Variants in KDSR observed in about 807,000 individuals in gnomAD.
KDSR encodes the protein 3-dehydrosphinganine reductase.
A neutral mutation model predicts 41.3 loss-of-function variants in KDSR; 23 were observed. The ratio of observed to expected loss-of-function variants is 0.56; its 90% confidence interval spans 0.40 to 0.79. KDSR has a LOEUF of 0.79. KDSR is among the 30% of genes least tolerant of loss of function. The pLI is 0.00. For missense variants in KDSR, 351 were observed against 416.8 expected (o/e 0.84, Z 1.37); for synonymous variants, 138 against 151.7 (o/e 0.91, Z 0.66).
intron 5 of KDSR, 27 bp from the exon 6 acceptor site, chr18:63,351,106 G>A: frequency 6.3e-7 from 1 of 1,575,086 alleles, no homozygotes; most frequent in African/African-American, 1.4e-5. Flanking sequence ...GGCCACATGA[G>A]GTCAAAAGCC....
At chr18:63,355,414 T>C in intron 4 of KDSR, 84 bp downstream of exon 4, 1 of 1,609,356 alleles carries the variant, frequency 6.2e-7, no homozygotes, top group Admixed American at 1.7e-5. Flanking sequence ...AGAAGTTGTG[T>C]CCATTCCAAG....
Position 63,331,318 on chromosome 18 carries a change from CAGAGAGACAGAG to C in KDSR, c.*452_*463del, listed in dbSNP as rs1206629964. The C allele has an allele frequency of 4.1e-5, 9 of 218,250 alleles. No individual in the cohort carries two copies. The highest frequency in any genetic ancestry group is 7.2e-5 in the Non-Finnish European group (8 of 111,710). 13.5% of individuals were successfully genotyped at this position (218,250 alleles called of 1,614,324 possible). Reference sequence around the variant, plus strand: ...ACAGAGAGACAGAGAGACAGAGAGACAGAGAGACAGAGAGAGAGAGAGAGAGAACCCGAGAAA... The same window carrying C: ...ACAGAGAGACAGAGAGACAGAGAGACAGAGAGAGAGAGAGAACCCGAGAAA... On this transcript the variant is annotated 3_prime_UTR_variant, in exon 10 of 10. Coordinates refer to ENST00000645214, the MANE Select transcript of KDSR (RefSeq NM_002035.4).
intron 1 of KDSR, chr18:63,366,697 C>A (rs1362296543): frequency 1.0e-5 from 3 of 291,774 alleles, no homozygotes; most frequent in African/African-American, 6.5e-5. Flanking sequence ...CATCCACATC[C>A]CAGGGATGTT....
chr18:63,357,343 T>C (rs1337949336), intron 3 of KDSR, among the ~76,000 whole-genome samples: 1 of 151,992 alleles, frequency 6.6e-6, no homozygotes, highest in Non-Finnish European at 1.5e-5. Context: ...AAGAGAATAC[T>C]GAAAGCTTTT....
chr18:63,357,326 G>A (rs999406767), intron 3 of KDSR, among the ~76,000 whole-genome samples: 3 of 151,894 alleles, frequency 2.0e-5, no homozygotes, highest in East Asian at 1.9e-4. Flanking sequence ...TCTTGCACAC[G>A]TGCACAAAGA....
intron 2 of KDSR, among the ~76,000 whole-genome samples, chr18:63,362,170 G>A (rs1438550243): frequency 3.3e-5 from 5 of 152,242 alleles, no homozygotes; most frequent in African/African-American, 9.6e-5. Context: ...GCAAGAGGAC[G>A]TCATGACAGT....
Position 63,330,270 on chromosome 18 carries a change from CA to C in KDSR, c.*1511del. 4.7e-6 allele frequency: 1 copy of C among 212,248 alleles called. No individual in the cohort carries two copies. Among genetic ancestry groups the C allele is most frequent in the Non-Finnish European group, 9.5e-6 (1 of 104,832 alleles). 13.1% of individuals were successfully genotyped at this position (212,248 alleles called of 1,614,324 possible). A position where few individuals can be genotyped will look rare whatever the true frequency, so the allele number is the denominator to read the frequency against. ...TTACAATTTAAGAAAGTTTCCTCTT[CA>C]AAAACAGAGGTCTTTTCTCACCGAA... On this transcript the variant is annotated 3_prime_UTR_variant, in exon 10 of 10. Coordinates refer to ENST00000645214, the MANE Select transcript of KDSR (RefSeq NM_002035.4).
intron 6 of KDSR, among the ~76,000 whole-genome samples, chr18:63,350,212 G>C (rs566235740): frequency 3.9e-5 from 6 of 152,318 alleles, no homozygotes; most frequent in East Asian, 1.9e-4. Flanking sequence ...CAATAATGTG[G>C]AAGTCGGCTT....
Position 63,330,805 on chromosome 18 carries a change from T to C in KDSR, c.*977A>G, listed in dbSNP as rs1913956602. On this transcript the variant is annotated 3_prime_UTR_variant, in exon 10 of 10. Coordinates refer to ENST00000645214, the MANE Select transcript of KDSR (RefSeq NM_002035.4). Reference sequence around the variant, plus strand: ...GTCGAAAATTTTAGCTGGTCTTTTTTTTCCTTTTTTTTTTTTTTTACAAAA... The same window carrying C: ...GTCGAAAATTTTAGCTGGTCTTTTTCTTCCTTTTTTTTTTTTTTTACAAAA... 4.3e-6 allele frequency: 1 copy of C among 229,900 alleles called. No individual in the cohort carries two copies. The highest frequency in any genetic ancestry group is 2.2e-5 in the African/African-American group (1 of 45,066). The allele number at this position is 229,900 out of a possible 1,614,324, so 14.2% of individuals were successfully genotyped here.
rs1230632686 is a variant in KDSR, at chr18:63,357,594, A to ATTTTTT, written c.256-2037_256-2032dup. Reference sequence around the variant, plus strand: ...TACATATATATATATATATATATATATTTTTTTTTGAGATGGAGTCTCCCT... The same window carrying ATTTTTT: ...TACATATATATATATATATATATATATTTTTTTTTTTTTTTGAGATGGAGTCTCCCT... On this transcript the variant is annotated intron_variant, in intron 3 of 9. Transcript: ENST00000645214. Among the ~76,000 whole-genome samples the ATTTTTT allele has an allele frequency of 9.5e-3, 1,141 of 120,630 alleles. 14 individuals are homozygous for ATTTTTT. Among genetic ancestry groups the ATTTTTT allele is most frequent in the East Asian group, 0.031 (132 of 4,210 alleles). The allele number at this position is 120,630 out of a possible 152,430, so 79.1% of individuals were successfully genotyped here. A position where few individuals can be genotyped will look rare whatever the true frequency, so the allele number is the denominator to read the frequency against.
rs572077323 is a variant in KDSR, at chr18:63,363,226, T to C, written c.109-358A>G. ...TATTTTCTTTTTTTTTTTCTTTTTT[T>C]TTTTTTTATTATACTCTAAGTTTTA... On this transcript the variant is annotated intron_variant, in intron 1 of 9. Transcript: ENST00000645214. Among the ~76,000 whole-genome samples the C allele has an allele frequency of 2.6e-4, 39 of 148,218 alleles. No homozygotes were observed. In the East Asian group the frequency reaches 3.5e-3, roughly 13 times the overall value.
Position 63,329,377 on chromosome 18 carries a change from T to C in KDSR, c.*2405A>G, listed in dbSNP as rs546838153. On this transcript the variant is annotated 3_prime_UTR_variant, in exon 10 of 10. Coordinates refer to ENST00000645214, the MANE Select transcript of KDSR (RefSeq NM_002035.4). The stretch of plus-strand genomic sequence containing the variant: ...CAGGGAAAATTAAGTCACAATGAAG[T>C]AGCATAAATATAAAGTACAATACTC... 186 of 208,904 alleles carry C rather than the reference T, an allele frequency of 8.9e-4. No homozygotes were observed. The highest frequency in any genetic ancestry group is 1.5e-3 in the Middle Eastern group (1 of 648). 12.9% of individuals were successfully genotyped at this position (208,904 alleles called of 1,614,324 possible). A position where few individuals can be genotyped will look rare whatever the true frequency, so the allele number is the denominator to read the frequency against.
chr18:63,351,126 T>C (rs1461683654), intron 5 of KDSR, 47 bp from the exon 6 acceptor site: 53 of 1,444,720 alleles, frequency 3.7e-5, no homozygotes, highest in Non-Finnish European at 4.9e-5. Context: ...CTCAAGGCTG[T>C]GCACATGGAG....
rs185656014 is a variant in KDSR, at chr18:63,357,248, C to A, written c.256-1685G>T. ...CGCATTCCTACTTATGGGAGCTTAA[C>A]CACTTTGGTGAGGTTGAAGAACTGC... On this transcript the variant is annotated intron_variant, in intron 3 of 9. Transcript: ENST00000645214. Among the ~76,000 whole-genome samples the A allele has an allele frequency of 7.9e-5, 12 of 152,276 alleles. No individual in the cohort carries two copies. The East Asian group carries it at 2.3e-3, about 29-fold the overall frequency.
intron 2 of KDSR, among the ~76,000 whole-genome samples, chr18:63,360,545 G>A (rs968400322): frequency 3.9e-5 from 6 of 152,110 alleles, no homozygotes; most frequent in Non-Finnish European, 7.4e-5. Context: ...GATACATACA[G>A]CTTGACTTTG....
intron 5 of KDSR, among the ~76,000 whole-genome samples, chr18:63,352,308 ATTG>A (rs1189448288): frequency 2.0e-5 from 3 of 151,814 alleles, no homozygotes; most frequent in Admixed American, 6.6e-5. Flanking sequence ...AGATTTTTTT[ATTG>A]TTGTTTGTTT....
At position 63,331,799 on chromosome 18, in the gene KDSR, C is replaced by T. The variant is rs774246382; in HGVS notation, c.982G>A (p.Ala328Thr). 23 of 1,613,826 alleles carry T rather than the reference C, an allele frequency of 1.4e-5. No homozygotes were observed. The East Asian group carries it at 4.5e-4, about 31-fold the overall frequency. The change falls in exon 10 of 10, where the codon GCA becomes ACA. Residue 328 changes from alanine (A) to threonine (T), a missense_variant. Physicochemically the swap from Ala to Thr is moderately conservative, Grantham distance 58. Coordinates refer to ENST00000645214, the MANE Select transcript of KDSR (RefSeq NM_002035.4). ...CMMQREKSEN[A>T]DKTA Reference sequence around the variant, plus strand: ...TAAGAAGATTAGGCAGTTTTGTCTGCATTTTCAGATTTTTCTCTCTGCATC... The same window carrying T: ...TAAGAAGATTAGGCAGTTTTGTCTGTATTTTCAGATTTTTCTCTCTGCATC...
chr18:63,351,012 T>G lies in KDSR; in HGVS notation c.485A>C (p.Glu162Ala), dbSNP rs535843222. The stretch of plus-strand genomic sequence containing the variant: ...AAACACGATCCTGCCCACCCGGCGC[T>G]CCTTCATGGTGGTGATCACGGCCCG... ...PSRAVITTMKERRVGRIVFVS... is the reference protein window; with the variant it reads ...PSRAVITTMKARRVGRIVFVS... The change falls in exon 6 of 10, where the codon GAG becomes GCG. Residue 162 changes from glutamate to alanine, a missense_variant. Transcript: ENST00000645214. The G allele has an allele frequency of 6.2e-7, 1 of 1,614,148 alleles. No homozygotes were observed. The highest frequency in any genetic ancestry group is 2.2e-5 in the East Asian group (1 of 44,888).
At chr18:63,363,179 G>A (rs1050551387) in intron 1 of KDSR, among the ~76,000 whole-genome samples, 9 of 149,160 alleles carry the variant, frequency 6.0e-5, no homozygotes, top group African/African-American at 2.2e-4. Context: ...GTCTGCCTCT[G>A]ATTCCAAATC....
Sources: allele counts gnomAD v4.1 joint callset (sites outside exome capture counted in the v4.1 genomes callset), GRCh38; gene constraint gnomAD v4.1.1; transcripts MANE v1.5; gene names NCBI Gene and HGNC (gene_info 2026-07-23, HGNC 2026-07-21).